PIK3R5: variants seen among roughly 807,000 people sequenced by gnomAD.
PIK3R5 encodes the protein phosphoinositide 3-kinase regulatory subunit 5.
A neutral mutation model predicts 94.9 loss-of-function variants in PIK3R5; 32 were observed. That is an observed-to-expected ratio of 0.34 (90% CI 0.25 to 0.45). PIK3R5 has a LOEUF of 0.45. Among genes scored for constraint, PIK3R5 ranks in the 20% least tolerant of loss-of-function variants. PIK3R5 has a pLI of 1.00. For synonymous variants in PIK3R5, 443 were observed against 479.4 expected (o/e 0.92, Z 0.99); for missense variants, 853 against 1,144.6 (o/e 0.75, Z 3.68).
intron 1 of PIK3R5, among the ~76,000 whole-genome samples, chr17:8,943,447 A>G (rs1037431907): frequency 2.6e-5 from 4 of 152,152 alleles, no homozygotes; most frequent in Non-Finnish European, 4.4e-5. Flanking sequence ...GTGGGGTTCA[A>G]TCTAATACTT....
Position 8,892,618 on chromosome 17 carries a change from G to C in PIK3R5, c.482+968C>G, listed in dbSNP as rs976946059. Among the ~76,000 whole-genome samples, 1 of 152,136 alleles carries C rather than the reference G, an allele frequency of 6.6e-6. No individual in the cohort carries two copies. Among genetic ancestry groups the C allele is most frequent in the African/African-American group, 2.4e-5 (1 of 41,422 alleles). On this transcript the variant is annotated intron_variant, in intron 6 of 18. Coordinates refer to ENST00000447110, the MANE Select transcript of PIK3R5 (RefSeq NM_001142633.3). The surrounding 1 kb of genome is among the most constrained non-coding windows in gnomAD (Gnocchi z 4.3). ...ATTCTTCATCAGCCCACCTGCCCCA[G>C]CTCCCCCAGAGGAATCTTATTTACT...
chr17:8,960,969 G>C (rs1237925855), intron 1 of PIK3R5, among the ~76,000 whole-genome samples: 1 of 152,118 alleles, frequency 6.6e-6, no homozygotes, highest in Non-Finnish European at 1.5e-5. Context: ...ACATCAAGTG[G>C]CTAGGGTGAG....
chr17:8,938,326 T>A (rs2091113258), intron 1 of PIK3R5, among the ~76,000 whole-genome samples: 1 of 152,230 alleles, frequency 6.6e-6, no homozygotes, highest in African/African-American at 2.4e-5. Flanking sequence ...TAATATTCCT[T>A]TATTATCTTT....
chr17:8,925,373 G>GGATA lies in PIK3R5; in HGVS notation c.-13-13870_-13-13867dup, dbSNP rs141546020. Among the ~76,000 whole-genome samples, 2 of 149,780 alleles carry GGATA rather than the reference G, an allele frequency of 1.3e-5. No individual in the cohort carries two copies. Among genetic ancestry groups the GGATA allele is most frequent in the Non-Finnish European group, 3.0e-5 (2 of 67,644 alleles). Reference sequence around the variant, plus strand: ...ATAGATGGATTGATAGATAGTAGATGGATAGATAGATAGATAGTAGATGGA... The same window carrying GGATA: ...ATAGATGGATTGATAGATAGTAGATGGATAGATAGATAGATAGATAGTAGATGGA... On this transcript the variant is annotated intron_variant, in intron 1 of 18. Coordinates refer to ENST00000447110, the MANE Select transcript of PIK3R5 (RefSeq NM_001142633.3). This position sits in a 1 kb window ranked among gnomAD's most constrained non-coding sequence, Gnocchi z 5.1.
chr17:8,943,249 T>G (rs2091218006), intron 1 of PIK3R5, among the ~76,000 whole-genome samples: 1 of 151,840 alleles, frequency 6.6e-6, no homozygotes, highest in Non-Finnish European at 1.5e-5. Flanking sequence ...TAATTTTTAA[T>G]TTTGTTTGTT....
chr17:8,905,953 T>G (rs575819012), intron 3 of PIK3R5, among the ~76,000 whole-genome samples: 14 of 152,094 alleles, frequency 9.2e-5, no homozygotes, highest in Admixed American at 3.3e-4. Context: ...TCAATGTCCC[T>G]CTTCTGATGC....
chr17:8,901,117 G>C (rs1332950012), intron 5 of PIK3R5, among the ~76,000 whole-genome samples: 1 of 152,166 alleles, frequency 6.6e-6, no homozygotes, highest in African/African-American at 2.4e-5. Flanking sequence ...TTTGTTTTGG[G>C]GGACAGTGGG....
At chr17:8,919,888 CTTTTTTTT>C (rs11290606) in intron 1 of PIK3R5, among the ~76,000 whole-genome samples, 1,739 of 107,650 alleles carry the variant, frequency 0.016, 29 homozygotes, top group African/African-American at 0.059. Context: ...CTTTTTCCTT[CTTTTTTTT>C]TTTTTTTTTT....
intron 1 of PIK3R5, among the ~76,000 whole-genome samples, chr17:8,936,406 C>A (rs2091077309): frequency 6.6e-6 from 1 of 152,208 alleles, no homozygotes; most frequent in African/African-American, 2.4e-5. Flanking sequence ...CCCCTATACT[C>A]CATCTATTCA....
At chr17:8,952,414 A>G (rs2091391810) in intron 1 of PIK3R5, among the ~76,000 whole-genome samples, 1 of 152,236 alleles carries the variant, frequency 6.6e-6, no homozygotes, top group Non-Finnish European at 1.5e-5. Context: ...CACACGGTAT[A>G]CCCAAAATTT....
Position 8,882,803 on chromosome 17 carries a change from G to A in PIK3R5, c.2206-922C>T, listed in dbSNP as rs1422537959. Among the ~76,000 whole-genome samples the A allele has an allele frequency of 6.6e-6, 1 of 152,066 alleles. No individual in the cohort carries two copies. Among genetic ancestry groups the A allele is most frequent in the Non-Finnish European group, 1.5e-5 (1 of 68,036 alleles). On this transcript the variant is annotated intron_variant, in intron 15 of 18. Coordinates refer to ENST00000447110, the MANE Select transcript of PIK3R5 (RefSeq NM_001142633.3). This position sits in a 1 kb window ranked among gnomAD's most constrained non-coding sequence, Gnocchi z 4.1. ...TCCTAACCCATCCATGGGCCCTGCT[G>A]ATTACATCACTCACATCTGTCTCCC... is the stretch of plus-strand genomic sequence containing the variant.
intron 14 of PIK3R5, 111 bp downstream of exon 14, chr17:8,886,118 A>C: frequency 1.3e-6 from 1 of 797,968 alleles, no homozygotes; most frequent in East Asian, 2.7e-5. Context: ...CCTCCTGTGC[A>C]ACCCCACCTT....
intron 1 of PIK3R5, among the ~76,000 whole-genome samples, chr17:8,951,810 A>G (rs2091382273): frequency 6.6e-6 from 1 of 152,244 alleles, no homozygotes; most frequent in African/African-American, 2.4e-5. Context: ...ATGAGACTCA[A>G]AATTGTTCTT....
intron 1 of PIK3R5, among the ~76,000 whole-genome samples, chr17:8,938,999 G>C (rs2091126560): frequency 6.6e-6 from 1 of 152,146 alleles, no homozygotes; most frequent in African/African-American, 2.4e-5. Context: ...CTTGAGTCTT[G>C]TGGGCTTACA....
In PIK3R5 at chr17:8,881,749, C is replaced by T. The variant is rs766899218; in HGVS notation, c.2300-37G>A. The T allele has an allele frequency of 8.1e-6, 13 of 1,613,010 alleles. No individual in the cohort carries two copies. The highest frequency in any genetic ancestry group is 1.3e-5 in the African/African-American group (1 of 74,964). On this transcript the variant is annotated intron_variant, in intron 16 of 18. Transcript: ENST00000447110. This position sits in a 1 kb window ranked among gnomAD's most constrained non-coding sequence, Gnocchi z 4.8. ...GGACACTCAGGCCAGGCTCAGAGCA[C>T]CTCCCTACTGCACACCCCACACTGA...
chr17:8,958,161 A>G (rs540620234), intron 1 of PIK3R5, among the ~76,000 whole-genome samples: 65 of 152,012 alleles, frequency 4.3e-4, no homozygotes, highest in Middle Eastern at 3.4e-3. Context: ...AAATACAAAA[A>G]TTAGCCAGGC....
intron 1 of PIK3R5, among the ~76,000 whole-genome samples, chr17:8,926,118 C>T (rs2090879208): frequency 6.6e-6 from 1 of 152,280 alleles, no homozygotes; most frequent in Non-Finnish European, 1.5e-5. Context: ...GGATCCAAAA[C>T]AAGCATGTTT....
At chr17:8,917,323 C>T (rs1020543100) in intron 1 of PIK3R5, among the ~76,000 whole-genome samples, 2 of 152,036 alleles carry the variant, frequency 1.3e-5, no homozygotes, top group Non-Finnish European at 2.9e-5. Flanking sequence ...AATAAATAAT[C>T]GAAATCAACC....
chr17:8,885,002 G>T, intron 14 of PIK3R5: 2 of 552,378 alleles, frequency 3.6e-6, no homozygotes, highest in Non-Finnish European at 3.3e-6. Flanking sequence ...GCCCATCTCC[G>T]CTGTGATCAC....
Sources: allele counts gnomAD v4.1 joint callset (sites outside exome capture counted in the v4.1 genomes callset), GRCh38; gene constraint gnomAD v4.1.1; non-coding constraint Gnocchi (gnomAD v3.1); transcripts MANE v1.5; gene names NCBI Gene and HGNC (gene_info 2026-07-23, HGNC 2026-07-21).